The following PCDH15 variants were observed in gnomAD, a reference collection of about 807,000 sequenced individuals.
PCDH15 encodes protocadherin related 15, also known as protocadherin-15.
PCDH15 carries 129 observed loss-of-function variants against 178.5 expected under a neutral mutation model. The ratio of observed to expected loss-of-function variants is 0.72; its 90% CI spans 0.63 to 0.84. The LOEUF (loss-of-function observed/expected upper bound fraction) is 0.84. Ranked by LOEUF, PCDH15 falls within the 40% of genes least tolerant of loss-of-function variation. The probability of loss-of-function intolerance (pLI) is 0.00; values close to 1 mark genes in which losing one functional copy is unlikely to be tolerated. For synonymous variants in PCDH15, 800 were observed against 732.0 expected (o/e 1.09, Z -1.50); for missense variants, 2,230 against 2,099.9 (o/e 1.06, Z -1.21).
At chr10:54,797,860 T>G (rs1270032188) in intron 1 of PCDH15, among the ~76,000 whole-genome samples, 1 of 151,946 alleles carries the variant, frequency 6.6e-6, no homozygotes, top group East Asian at 1.9e-4. Flanking sequence ...TAGGCTGAGA[T>G]TAAGTCATAC....
chr10:54,358,313 T>G (rs1945387235), intron 5 of PCDH15, among the ~76,000 whole-genome samples: 1 of 151,158 alleles, frequency 6.6e-6, no homozygotes, highest in African/African-American at 2.4e-5. Flanking sequence ...TCAAACAAAT[T>G]TACAAGAAAA....
rs534582606 is a variant in PCDH15, at chr10:54,520,955, C to T, written c.157+6857G>A. On this transcript the variant is annotated intron_variant, in intron 3 of 37. Coordinates refer to ENST00000644397, the MANE Select transcript of PCDH15 (RefSeq NM_001384140.1). The stretch of plus-strand genomic sequence containing the variant: ...GAAAACATCATTCTCAGCAAACTAT[C>T]GCAAGGACAAAAAAACAAACACCGC... 1.2e-3 allele frequency among the ~76,000 whole-genome samples: 177 copies of T among 151,214 alleles called. 1 individual carries two copies. The highest frequency in any genetic ancestry group is 3.9e-3 in the African/African-American group (161 of 41,178).
chr10:55,536,973 T>C (rs528692096), intron 2 of PCDH15, among the ~76,000 whole-genome samples: 14 of 152,156 alleles, frequency 9.2e-5, no homozygotes, highest in Non-Finnish European at 1.5e-4. Flanking sequence ...TTATTTTTTA[T>C]AAATTTAGAT....
intron 3 of PCDH15, among the ~76,000 whole-genome samples, chr10:54,443,335 A>G (rs988093285): frequency 2.0e-5 from 3 of 151,410 alleles, no homozygotes; most frequent in African/African-American, 4.8e-5. Context: ...ATGAGTTCAT[A>G]CTCATCTTCG....
chr10:55,549,021 A>C (rs1385517133), intron 2 of PCDH15, among the ~76,000 whole-genome samples: 1 of 152,178 alleles, frequency 6.6e-6, no homozygotes, highest in Non-Finnish European at 1.5e-5. Context: ...CACAAATGAA[A>C]TAAAAATATA....
At chr10:55,322,053 G>A (rs1053509678), upstream of PCDH15, among the ~76,000 whole-genome samples, 10 of 152,252 alleles carry the variant, frequency 6.6e-5, no homozygotes, top group Admixed American at 2.0e-4. Context: ...GTCTCACCTC[G>A]AATTGTAATA....
intron 2 of PCDH15, among the ~76,000 whole-genome samples, chr10:54,911,895 C>A (rs575078831): frequency 1.3e-5 from 2 of 152,292 alleles, no homozygotes; most frequent in East Asian, 3.9e-4. Flanking sequence ...AATTAAACCT[C>A]TTTTCTTCAT....
chr10:53,852,655 T>C (rs767719876), intron 28 of PCDH15, among the ~76,000 whole-genome samples: 1 of 152,112 alleles, frequency 6.6e-6, no homozygotes, highest in East Asian at 1.9e-4. Context: ...AAAATGGATA[T>C]GTCAGGTCAT....
chr10:54,993,131 T>C (rs185754929), intron 2 of PCDH15, among the ~76,000 whole-genome samples: 1 of 152,148 alleles, frequency 6.6e-6, no homozygotes, highest in Non-Finnish European at 1.5e-5. Context: ...ATGAGATTGG[T>C]TTGAGATACG....
intron 2 of PCDH15, among the ~76,000 whole-genome samples, chr10:54,656,904 C>T (rs1250932162): frequency 6.6e-6 from 1 of 152,188 alleles, no homozygotes; most frequent in East Asian, 1.9e-4. Context: ...GAGGCTCTAC[C>T]AGTTAAAGGC....
intron 26 of PCDH15, among the ~76,000 whole-genome samples, chr10:53,887,177 G>C (rs534347559): frequency 6.0e-4 from 91 of 152,132 alleles, no homozygotes; most frequent in African/African-American, 2.0e-3. Context: ...TTTGATTACT[G>C]GCACCTCTCA....
chr10:54,349,567 A>G (rs900178214), intron 5 of PCDH15, among the ~76,000 whole-genome samples: 8 of 152,224 alleles, frequency 5.3e-5, no homozygotes, highest in African/African-American at 1.7e-4. Context: ...ATATATTACC[A>G]TCAAGTAATA....
At chr10:53,846,982 G>T (rs1386984476) in intron 28 of PCDH15, among the ~76,000 whole-genome samples, 1 of 152,014 alleles carries the variant, frequency 6.6e-6, no homozygotes, top group African/African-American at 2.4e-5. Flanking sequence ...AAGAGGCAGT[G>T]TAACAGAGGA....
In PCDH15 at chr10:53,966,371, TTC is replaced by T. The variant is rs373235789; in HGVS notation, c.2869-4481_2869-4480del. 1.5e-4 allele frequency among the ~76,000 whole-genome samples: 23 copies of T among 152,270 alleles called. No homozygotes were observed. The South Asian group carries it at 1.7e-3, about 11-fold the overall frequency. On this transcript the variant is annotated intron_variant, in intron 21 of 37. Coordinates refer to ENST00000644397, the MANE Select transcript of PCDH15 (RefSeq NM_001384140.1). Reference sequence around the variant, plus strand: ...CCTCTCAAAACATTTAAAAGTTTTTTTCTCTCTCTGTCCTTTCCTAAAATCTT... The same window carrying T: ...CCTCTCAAAACATTTAAAAGTTTTTTTCTCTCTGTCCTTTCCTAAAATCTT...
At chr10:54,577,091 C>CT (rs11318408) in intron 2 of PCDH15, among the ~76,000 whole-genome samples, 2,322 of 146,276 alleles carry the variant, frequency 0.016, 64 homozygotes, top group African/African-American at 0.055. Flanking sequence ...ATTTTAATTT[C>CT]TTTTTTTTTT....
At chr10:54,715,026 ATTTG>A (rs2095463775) in intron 1 of PCDH15, among the ~76,000 whole-genome samples, 1 of 152,060 alleles carries the variant, frequency 6.6e-6, no homozygotes, top group Non-Finnish European at 1.5e-5. Context: ...TTAAGCACAT[ATTTG>A]TTTGCCAAGA....
intron 16 of PCDH15, among the ~76,000 whole-genome samples, chr10:54,085,929 A>G (rs545710248): frequency 6.6e-6 from 1 of 152,314 alleles, no homozygotes; most frequent in Admixed American, 6.5e-5. Flanking sequence ...TATTTAAAGT[A>G]TACAATAGAC....
intron 1 of PCDH15, among the ~76,000 whole-genome samples, chr10:54,776,459 CAGT>C (rs1416078282): frequency 6.6e-6 from 1 of 151,474 alleles, no homozygotes; most frequent in Non-Finnish European, 1.5e-5. Flanking sequence ...AGATTCCAAG[CAGT>C]TCATACCTGT....
chr10:54,524,865 A>G (rs1225083867), intron 3 of PCDH15, among the ~76,000 whole-genome samples: 1 of 152,220 alleles, frequency 6.6e-6, no homozygotes, highest in Non-Finnish European at 1.5e-5. Flanking sequence ...TCTCTTGTTC[A>G]GCCCAAGATG....
Sources: allele counts gnomAD v4.1 joint callset (sites outside exome capture counted in the v4.1 genomes callset), GRCh38; gene constraint gnomAD v4.1.1; transcripts MANE v1.5; gene names NCBI Gene and HGNC (gene_info 2026-07-23, HGNC 2026-07-21).